The following UTP25 variants were observed in gnomAD, a reference collection of about 807,000 sequenced individuals.
UTP25 encodes UTP25 small subunit processome component.
In UTP25, 50 loss-of-function variants were observed where a neutral mutation model predicts 78.9. The ratio of observed to expected loss-of-function variants is 0.63; its 90% CI spans 0.50 to 0.80. The LOEUF (loss-of-function observed/expected upper bound fraction) is 0.80. UTP25 is among the 30% of genes least tolerant of loss of function. UTP25 has a pLI of 0.00. For missense variants in UTP25, 846 were observed against 911.3 expected (o/e 0.93, Z 0.92); for synonymous variants, 329 against 336.5 (o/e 0.98, Z 0.24).
In UTP25 at chr1:209,840,868, A is replaced by G; in HGVS notation, c.1298A>G (p.Gln433Arg). 7 of 1,612,478 alleles carry G rather than the reference A, an allele frequency of 4.3e-6. No individual in the cohort carries two copies. The highest frequency in any genetic ancestry group is 5.9e-6 in the Non-Finnish European group (7 of 1,179,854). The change falls in exon 8 of 12, where the codon CAG becomes CGG. Residue 433 changes from glutamine to arginine, a missense_variant. Coordinates refer to ENST00000491415, the MANE Select transcript of UTP25 (RefSeq NM_014388.7). ...TTTTGTGTAGGAGTGGCAATACTTCAGAGAAGCATCCGACTCTATGCCCCG... is the reference window on the plus strand; with the variant it reads ...TTTTGTGTAGGAGTGGCAATACTTCGGAGAAGCATCCGACTCTATGCCCCG... ...DHFRIGVAIL[Q>R]RSIRLYAPFY...
chr1:209,830,671 CAT>C, intron 2 of UTP25, 130 bp from the exon 3 acceptor site: 1 of 1,403,708 alleles, frequency 7.1e-7, no homozygotes, highest in Non-Finnish European at 9.4e-7. Flanking sequence ...CTTCTAGAAT[CAT>C]AGCTAGATTA....
Position 209,843,551 on chromosome 1 carries a change from C to T in UTP25, c.1882C>T (p.Arg628Ter), listed in dbSNP as rs772166740. The change falls in exon 11 of 12, where the codon CGA becomes TGA. Residue 628 changes from arginine (R) to a stop codon, truncating the protein, a stop_gained. Coordinates refer to ENST00000491415, the MANE Select transcript of UTP25 (RefSeq NM_014388.7). LOFTEE classifies it high-confidence loss of function. Reference sequence around the variant, plus strand: ...CTCCTACTTTGACTTCGTGCGTCTTCGAAATTACTTCAAGAAGGAGGAATT... The same window carrying T: ...CTCCTACTTTGACTTCGTGCGTCTTTGAAATTACTTCAAGAAGGAGGAATT... ...IPSYFDFVRL[R>*]NYFKKEELNF... 27 of 1,614,008 alleles carry T rather than the reference C, an allele frequency of 1.7e-5. No homozygotes were observed. Among genetic ancestry groups the T allele is most frequent in the East Asian group, 1.1e-4 (5 of 44,886 alleles).
intron 11 of UTP25, among the ~76,000 whole-genome samples, chr1:209,850,403 C>T (rs2078223859): frequency 6.6e-6 from 1 of 152,208 alleles, no homozygotes; most frequent in Non-Finnish European, 1.5e-5. Flanking sequence ...GGAAAACTTA[C>T]CTTCTGTGAA....
Position 209,830,886 on chromosome 1 carries a change from T to C in UTP25, c.231T>C (p.Ala77=). 1 of 1,614,128 alleles carries C rather than the reference T, an allele frequency of 6.2e-7. No individual in the cohort carries two copies. Among genetic ancestry groups the C allele is most frequent in the Non-Finnish European group, 8.5e-7 (1 of 1,179,976 alleles). Residue 77 remains alanine, a synonymous_variant, in exon 3 of 12, where the codon GCT becomes GCC. Coordinates refer to ENST00000491415, the MANE Select transcript of UTP25 (RefSeq NM_014388.7). ...TTTCTGGCTACCACAGACTACTTGC[T>C]ACATTAAAGAATGTTTCTGAGGAAG... ...QQVSGYHRLL[A]TLKNVSEEEE...
intron 11 of UTP25, among the ~76,000 whole-genome samples, chr1:209,846,120 GTGT>G (rs2078195787): frequency 6.6e-6 from 1 of 152,130 alleles, no homozygotes; most frequent in Non-Finnish European, 1.5e-5. Context: ...CTCCCAAGAA[GTGT>G]TGGGGTTACA....
chr1:209,842,223 GCT>G (rs10570454), intron 8 of UTP25, 40 bp from the exon 9 acceptor site: 1,233,033 of 1,590,384 alleles, frequency 0.78, 478,273 homozygotes, highest in African/African-American at 0.82. Flanking sequence ...ACATGTAAAT[GCT>G]CTCAGTCAAC....
chr1:209,833,401 G>A (rs745316765), intron 4 of UTP25, 43 bp downstream of exon 4: 366 of 1,482,574 alleles, frequency 2.5e-4, no homozygotes, highest in Non-Finnish European at 3.2e-4. Context: ...CAGGTGCTTA[G>A]TATGGAATTT....
At position 209,828,037 on chromosome 1, in the gene UTP25, C is replaced by T. The variant is rs751078042; in HGVS notation, c.-27C>T. The T allele has an allele frequency of 1.3e-6, 2 of 1,592,180 alleles. No homozygotes were observed. Among genetic ancestry groups the T allele is most frequent in the Non-Finnish European group, 1.7e-6 (2 of 1,160,138 alleles). ...TCCTGGTGGAAAACCGCGACTCTTG[C>T]AAGTGGGCAAACTTGACGTTTTCGC... On this transcript the variant is annotated 5_prime_UTR_variant, in exon 1 of 12. Coordinates refer to ENST00000491415, the MANE Select transcript of UTP25 (RefSeq NM_014388.7).
At chr1:209,837,688 G>A (rs1373383318) in intron 6 of UTP25, among the ~76,000 whole-genome samples, 1 of 152,138 alleles carries the variant, frequency 6.6e-6, no homozygotes, top group Admixed American at 6.6e-5. Flanking sequence ...ACATACATAC[G>A]TCAGCCTTTG....
intron 6 of UTP25, among the ~76,000 whole-genome samples, chr1:209,837,950 A>G (rs370052640): frequency 4.6e-5 from 7 of 152,202 alleles, no homozygotes; most frequent in African/African-American, 1.2e-4. Flanking sequence ...ATTTGATACT[A>G]ATGTGGCCTT....
chr1:209,833,306 C>T lies in UTP25; in HGVS notation c.510C>T (p.Thr170=). The T allele has an allele frequency of 6.3e-7, 1 of 1,594,678 alleles. No individual in the cohort carries two copies. Among genetic ancestry groups the T allele is most frequent in the Non-Finnish European group, 8.5e-7 (1 of 1,173,532 alleles). ...AKHESLFSLE[T]NFLEEESGDN... is the part of the protein sequence containing the mutation. ...ACGAGTCACTGTTCAGCCTGGAAAC[C>T]AATTTTCTGGAAGAGGAAAGTGGAG... The change falls in exon 4 of 12, where the codon ACC becomes ACT. Residue 170 remains threonine (T), a synonymous_variant. Coordinates refer to ENST00000491415, the MANE Select transcript of UTP25 (RefSeq NM_014388.7).
chr1:209,843,644 C>T lies in UTP25; in HGVS notation c.1975C>T (p.Gln659Ter). ...GVSRARHFFL[Q>*]GEKQFLLFTE... The stretch of plus-strand genomic sequence containing the variant: ...CTCCAGGGCCAGACACTTCTTCCTT[C>T]AAGGAGAGAAACAGTTTCTACTTTT... Residue 659 changes from glutamine to a stop codon, truncating the protein, a stop_gained, in exon 11 of 12, where the codon CAA (glutamine) becomes TAA (stop). Coordinates refer to ENST00000491415, the MANE Select transcript of UTP25 (RefSeq NM_014388.7). LOFTEE classifies it high-confidence loss of function. 1.2e-6 allele frequency: 2 copies of T among 1,614,148 alleles called. No homozygotes were observed. Among genetic ancestry groups the T allele is most frequent in the South Asian group, 2.2e-5 (2 of 91,086 alleles).
At chr1:209,830,243 T>C in intron 2 of UTP25, 96 bp downstream of exon 2, 2 of 1,085,108 alleles carry the variant, frequency 1.8e-6, no homozygotes, top group Non-Finnish European at 2.7e-6. Flanking sequence ...CTATTCCTTT[T>C]GATTTCAGAT....
intron 10 of UTP25, 137 bp downstream of exon 10, chr1:209,842,832 C>T (rs974034210): frequency 1.5e-6 from 1 of 659,984 alleles, no homozygotes; most frequent in Admixed American, 2.7e-5. Flanking sequence ...TTAATTATGT[C>T]ATTTGTCAGA....
At chr1:209,830,732 T>G in intron 2 of UTP25, 71 bp from the exon 3 acceptor site, 1 of 1,539,364 alleles carries the variant, frequency 6.5e-7, no homozygotes. Context: ...AGATGTTGGC[T>G]TGATGATAGT....
chr1:209,833,366 C>T lies in UTP25; in HGVS notation c.562+8C>T. ...CTTTGAAAGCCTCTCAAGGTCATAG[C>T]ACAGTGTGTGTTATTTGAATTCACC... On this transcript the variant is annotated splice_region_variant and intron_variant, in intron 4 of 11. Transcript: ENST00000491415. 6.5e-7 allele frequency: 1 copy of T among 1,532,042 alleles called. No homozygotes were observed. Among genetic ancestry groups the T allele is most frequent in the Non-Finnish European group, 8.7e-7 (1 of 1,143,474 alleles). 94.9% of individuals were successfully genotyped at this position (1,532,042 alleles called of 1,614,324 possible).
Position 209,828,031 on chromosome 1 carries a change from C to A in UTP25, c.-33C>A. The stretch of plus-strand genomic sequence containing the variant: ...ACAACTTCCTGGTGGAAAACCGCGA[C>A]TCTTGCAAGTGGGCAAACTTGACGT... On this transcript the variant is annotated 5_prime_UTR_variant, in exon 1 of 12. Transcript: ENST00000491415. The A allele has an allele frequency of 6.4e-7, 1 of 1,573,434 alleles. No homozygotes were observed. Among genetic ancestry groups the A allele is most frequent in the Non-Finnish European group, 8.7e-7 (1 of 1,143,020 alleles).
chr1:209,842,684 G>A lies in UTP25; in HGVS notation c.1770G>A (p.Val590=). Reference sequence around the variant, plus strand: ...TGGAAGCTGAAAACCTAGCTTCAGTGATTGATGCCAGGTAACCCACTCCTC... The same window carrying A: ...TGGAAGCTGAAAACCTAGCTTCAGTAATTGATGCCAGGTAACCCACTCCTC... ...QRMEAENLAS[V]IDARFNFFVN... is the part of the protein sequence containing the mutation. Residue 590 remains valine (V), a synonymous_variant, in exon 10 of 12, where the codon GTG becomes GTA. Transcript: ENST00000491415. The A allele has an allele frequency of 6.2e-7, 1 of 1,611,128 alleles. No homozygotes were observed. The highest frequency in any genetic ancestry group is 8.5e-7 in the Non-Finnish European group (1 of 1,178,810).
At position 209,854,001 on chromosome 1, in the gene UTP25, G is replaced by A. The variant is rs1013824966; in HGVS notation, c.*2554G>A. ...CTCTGCAGTTAGCCCTGGCTCCTTA[G>A]TGCATTGCAGAGTGGAGTCTCTGCA... is the stretch of plus-strand genomic sequence containing the variant. On this transcript the variant is annotated 3_prime_UTR_variant, in exon 12 of 12. Transcript: ENST00000491415. 1 of 152,324 alleles carries A rather than the reference G, an allele frequency of 6.6e-6. No individual in the cohort carries two copies. The highest frequency in any genetic ancestry group is 6.5e-5 in the Admixed American group (1 of 15,304). 9.4% of individuals were successfully genotyped at this position (152,324 alleles called of 1,614,324 possible). A position where few individuals can be genotyped will look rare whatever the true frequency, so the allele number is the denominator to read the frequency against.
Sources: gnomAD v4.1 joint callset for allele counts (sites outside exome capture counted in the v4.1 genomes callset) on GRCh38, gnomAD v4.1.1 for gene constraint, MANE v1.5 for transcripts, NCBI Gene and HGNC (gene_info 2026-07-23, HGNC 2026-07-21) for gene names.